The following TMEM132D variants were observed in gnomAD, a reference collection of about 807,000 sequenced individuals.
The protein encoded by TMEM132D is mature OL transmembrane protein.
TMEM132D carries 21 observed loss-of-function variants against 62.3 expected under a neutral mutation model. That is an observed-to-expected ratio of 0.34 (90% CI 0.24 to 0.49). The LOEUF (loss-of-function observed/expected upper bound fraction) is 0.49, where lower values mean the gene tolerates loss of function less well. Ranked by LOEUF, TMEM132D falls within the 20% of genes least tolerant of loss-of-function variation. TMEM132D has a pLI of 0.99. For missense variants in TMEM132D, 1,346 were observed against 1,402.8 expected (o/e 0.96, Z 0.65); for synonymous variants, 621 against 575.6 (o/e 1.08, Z -1.13).
At chr12:129,231,017 C>T (rs1434111803) in intron 4 of TMEM132D, among the ~76,000 whole-genome samples, 1 of 152,194 alleles carries the variant, frequency 6.6e-6, no homozygotes, top group African/African-American at 2.4e-5. Context: ...ATCTTTGAAA[C>T]CACTTATCTT....
At chr12:129,292,104 C>A (rs1352999437) in intron 4 of TMEM132D, among the ~76,000 whole-genome samples, 1 of 152,146 alleles carries the variant, frequency 6.6e-6, no homozygotes, top group Non-Finnish European at 1.5e-5. Flanking sequence ...TAAGCATGAG[C>A]TGGAAGAATA....
rs2137225704 is a variant in TMEM132D, at chr12:129,699,995, C to T, written c.783G>A (p.Gly261=). 1 of 1,614,026 alleles carries T rather than the reference C, an allele frequency of 6.2e-7. No homozygotes were observed. Among genetic ancestry groups the T allele is most frequent in the Non-Finnish European group, 8.5e-7 (1 of 1,180,022 alleles). ...RTGHSDIDES[G]PPLQRIGSIF... is the part of the protein sequence containing the mutation. ...TGCTCCCGATCCTCTGCAAGGGGGG[C>T]CCGGACTCATCGATGTCACTGTGGC... Residue 261 remains glycine (G), a synonymous_variant, in exon 2 of 9, where the codon GGG becomes GGA. Coordinates refer to ENST00000422113, the MANE Select transcript of TMEM132D (RefSeq NM_133448.3).
intron 2 of TMEM132D, 95 bp downstream of exon 2, chr12:129,699,715 G>A (rs954004920): frequency 2.7e-6 from 4 of 1,475,620 alleles, no homozygotes; most frequent in African/African-American, 2.8e-5. Flanking sequence ...GCTCTACTTC[G>A]GTGAGCGATA....
At chr12:129,221,068 G>T (rs977816916) in intron 4 of TMEM132D, among the ~76,000 whole-genome samples, 4 of 152,138 alleles carry the variant, frequency 2.6e-5, no homozygotes, top group African/African-American at 9.7e-5. Context: ...TATTTTCCAG[G>T]TCCTTACAGT....
At chr12:129,499,713 T>C (rs1291654088) in intron 3 of TMEM132D, among the ~76,000 whole-genome samples, 1 of 152,156 alleles carries the variant, frequency 6.6e-6, no homozygotes, top group Non-Finnish European at 1.5e-5. Context: ...CTTGGGAAAG[T>C]CCACTTCAGA....
intron 3 of TMEM132D, among the ~76,000 whole-genome samples, chr12:129,389,869 C>T (rs1871247962): frequency 6.6e-6 from 1 of 152,146 alleles, no homozygotes; most frequent in African/African-American, 2.4e-5. Context: ...AAATAGCTGA[C>T]CAGGAGAGGA....
At chr12:129,509,900 T>C (rs1205763918) in intron 3 of TMEM132D, among the ~76,000 whole-genome samples, 2 of 152,192 alleles carry the variant, frequency 1.3e-5, no homozygotes, top group East Asian at 1.9e-4. Flanking sequence ...TTCCAAATCC[T>C]GGCTATCGTG....
chr12:129,592,104 G>T (rs1294744708), intron 2 of TMEM132D, among the ~76,000 whole-genome samples: 9 of 152,010 alleles, frequency 5.9e-5, no homozygotes, highest in Non-Finnish European at 1.3e-4. Flanking sequence ...TGTTTTATTA[G>T]AATTTAAACC....
intron 2 of TMEM132D, among the ~76,000 whole-genome samples, chr12:129,633,130 G>T (rs558703354): frequency 6.6e-6 from 1 of 152,200 alleles, no homozygotes; most frequent in African/African-American, 2.4e-5. Flanking sequence ...CTTTACCGTC[G>T]CATTACAGAC....
intron 3 of TMEM132D, among the ~76,000 whole-genome samples, chr12:129,391,573 C>T (rs533873509): frequency 6.6e-6 from 1 of 152,186 alleles, no homozygotes; most frequent in African/African-American, 2.4e-5. Context: ...TTTCTCCCCC[C>T]GCCCTGTGGA....
intron 5 of TMEM132D, among the ~76,000 whole-genome samples, chr12:129,198,639 G>A (rs1878609429): frequency 6.6e-6 from 1 of 152,152 alleles, no homozygotes; most frequent in Non-Finnish European, 1.5e-5. Flanking sequence ...GAGTAAAATG[G>A]TCACTACAGA....
intron 5 of TMEM132D, among the ~76,000 whole-genome samples, chr12:129,137,888 AG>A (rs1876631993): frequency 7.2e-6 from 1 of 139,682 alleles, no homozygotes; most frequent in African/African-American, 2.7e-5. Flanking sequence ...AGCAAATAAG[AG>A]GTTTTTTTTT....
intron 4 of TMEM132D, among the ~76,000 whole-genome samples, chr12:129,310,043 G>A (rs191399393): frequency 6.7e-6 from 1 of 150,254 alleles, no homozygotes; most frequent in East Asian, 1.9e-4. Flanking sequence ...AGAAAATCTA[G>A]ATGAGGGCTG....
intron 3 of TMEM132D, among the ~76,000 whole-genome samples, chr12:129,529,381 G>A (rs868206429): frequency 1.9e-4 from 29 of 152,340 alleles, no homozygotes; most frequent in Middle Eastern, 6.8e-3. Context: ...CTGAGATTCT[G>A]GAAGCCTCTG....
rs1874473358 is a variant in TMEM132D at position 129,082,111 on chromosome 12, G to A, written c.1650-79C>T. The A allele has an allele frequency of 2.7e-6, 4 of 1,507,686 alleles. 1 individual carries two copies. The allele number at this position is 1,507,686 out of a possible 1,614,324, so 93.4% of individuals were successfully genotyped here. A position where few individuals can be genotyped will look rare whatever the true frequency, so the allele number is the denominator to read the frequency against. ...GGGCCGTGTGTGGAGCCTGGTGGGG[G>A]CTGCAGAGGTAGGTAGGCCATGAGA... On this transcript the variant is annotated intron_variant, in intron 6 of 8. Transcript: ENST00000422113.
chr12:129,903,512 G>C lies in TMEM132D; in HGVS notation c.-173C>G. The C allele has an allele frequency of 1.6e-6, 1 of 642,236 alleles. No homozygotes were observed. Among genetic ancestry groups the C allele is most frequent in the Non-Finnish European group, 2.7e-6 (1 of 372,504 alleles). 39.8% of individuals were successfully genotyped at this position (642,236 alleles called of 1,614,324 possible). ...CTTCCCGCCAGTCCATGGCCAGGCC[G>C]GGAGGCGACGACCGCGCGGGCTCCT... On this transcript the variant is annotated 5_prime_UTR_variant, in exon 1 of 9. Coordinates refer to ENST00000422113, the MANE Select transcript of TMEM132D (RefSeq NM_133448.3). This position sits in a 1 kb window ranked among gnomAD's most constrained non-coding sequence, Gnocchi z 6.2.
chr12:129,748,585 A>C (rs2137265384), intron 1 of TMEM132D, among the ~76,000 whole-genome samples: 1 of 152,326 alleles, frequency 6.6e-6, no homozygotes, highest in Non-Finnish European at 1.5e-5. Flanking sequence ...TATTTCAACG[A>C]GGAGGTTCAA....
chr12:129,552,594 T>G (rs987526920), intron 2 of TMEM132D, among the ~76,000 whole-genome samples: 1 of 150,672 alleles, frequency 6.6e-6, no homozygotes, highest in Admixed American at 6.7e-5. Flanking sequence ...CATTATCTAT[T>G]TTCTATCTAT....
At chr12:129,815,982 G>T (rs1872331659) in intron 1 of TMEM132D, among the ~76,000 whole-genome samples, 1 of 152,208 alleles carries the variant, frequency 6.6e-6, no homozygotes, top group South Asian at 2.1e-4. Context: ...GACGGCCTGT[G>T]GTTGTGTTTT....
Sources: gnomAD v4.1 joint callset for allele counts (sites outside exome capture counted in the v4.1 genomes callset) on GRCh38, gnomAD v4.1.1 for gene constraint, Gnocchi (gnomAD v3.1) non-coding constraint, MANE v1.5 for transcripts, NCBI Gene and HGNC (gene_info 2026-07-23, HGNC 2026-07-21) for gene names.